Variants in NINL observed in about 807,000 individuals in gnomAD.
NINL encodes the protein ninein-like protein.
Under a neutral mutation model 160.3 loss-of-function variants are expected in NINL, and 153 were observed. That is an observed-to-expected ratio of 0.95 (90% CI 0.84 to 1.09). NINL has a LOEUF of 1.09. Among genes scored for constraint, NINL ranks in the 50% least tolerant of loss-of-function variants. NINL has a pLI of 0.00. For synonymous variants in NINL, 800 were observed against 734.8 expected, an observed-to-expected ratio of 1.09 and a Z score of -1.43; for missense variants, 1,829 against 1,764.0, an observed-to-expected ratio of 1.04 and a Z score of -0.66.
intron 3 of NINL, 94 bp from the exon 4 acceptor site, chr20:25,513,100 G>T: frequency 7.7e-7 from 1 of 1,298,622 alleles, no homozygotes; most frequent in Non-Finnish European, 1.1e-6. Flanking sequence ...TGCACACTCA[G>T]CACCGAGTGT....
rs866598767 is a variant in NINL at position 25,509,013 on chromosome 20, C to T, written c.517+1661G>A. Among the ~76,000 whole-genome samples the T allele has an allele frequency of 1.2e-4, 18 of 152,352 alleles. No homozygotes were observed. In the Middle Eastern group the frequency reaches 0.01, roughly 86 times the overall value. On this transcript the variant is annotated intron_variant, in intron 5 of 23. Transcript: ENST00000278886. ...AATGTGGCTTCAAATTTCTTTGACA[C>T]TCTTCCCTTCAGGTCTGTGTCCCTT...
intron 2 of NINL, 42 bp downstream of exon 2, chr20:25,526,366 G>C: frequency 2.6e-6 from 4 of 1,553,366 alleles, no homozygotes; most frequent in South Asian, 1.2e-5. Context: ...GCCAACTATA[G>C]ACCCCGTGCT....
At chr20:25,465,381 T>G (rs1287362370) in intron 19 of NINL, among the ~76,000 whole-genome samples, 1 of 152,246 alleles carries the variant, frequency 6.6e-6, no homozygotes, top group African/African-American at 2.4e-5. Flanking sequence ...ACCTGAACAC[T>G]TGCCCATCAG....
chr20:25,479,003 C>T lies in NINL; in HGVS notation c.2121G>A (p.Glu707=), dbSNP rs1366508317. 2 of 1,607,868 alleles carry T rather than the reference C, an allele frequency of 1.2e-6. No individual in the cohort carries two copies. Among genetic ancestry groups the T allele is most frequent in the Middle Eastern group, 1.7e-4 (1 of 6,054 alleles). ...TGCAGCAGGGTGCCAGGCCCATCTG[C>T]TCAGGCTCGGGGCCGCGGGCTGTGT... ...LQDTARGPEP[E]QMGLAPCCTQ... is the part of the protein sequence containing the mutation. The change falls in exon 16 of 24, where the codon GAG becomes GAA. Residue 707 remains glutamate, a synonymous_variant. Coordinates refer to ENST00000278886, the MANE Select transcript of NINL (RefSeq NM_025176.6).
chr20:25,483,731 T>C (rs1263827698), intron 13 of NINL, among the ~76,000 whole-genome samples: 1 of 152,248 alleles, frequency 6.6e-6, no homozygotes, highest in Non-Finnish European at 1.5e-5. Context: ...AACTACGTCC[T>C]AACCAGTATG....
At chr20:25,569,981 C>T (rs758446877) in intron 1 of NINL, among the ~76,000 whole-genome samples, 29 of 151,852 alleles carry the variant, frequency 1.9e-4, no homozygotes, top group Non-Finnish European at 3.8e-4. Context: ...AAGATGGAGG[C>T]CAGCCTGGCC....
rs535775871 is a variant in NINL at position 25,536,672 on chromosome 20, T to C, written c.-11-10074A>G. 1.6e-3 allele frequency among the ~76,000 whole-genome samples: 242 copies of C among 151,188 alleles called. 1 individual carries two copies. The highest frequency in any genetic ancestry group is 5.5e-3 in the African/African-American group (228 of 41,146). On this transcript the variant is annotated intron_variant, in intron 1 of 23. Transcript: ENST00000278886. ...GGGCAGAGTTTTCAGTAAGCTGAGA[T>C]CATGCCACTGCACTCCAGCCTGGGC...
At chr20:25,465,054 G>A (rs2062879346) in intron 19 of NINL, among the ~76,000 whole-genome samples, 1 of 152,222 alleles carries the variant, frequency 6.6e-6, no homozygotes, top group Non-Finnish European at 1.5e-5. Context: ...GCTGTCTCCT[G>A]GGTGTGTGTT....
chr20:25,527,034 A>C (rs2064373106), intron 1 of NINL, among the ~76,000 whole-genome samples: 1 of 152,218 alleles, frequency 6.6e-6, no homozygotes, highest in South Asian at 2.1e-4. Context: ...TATCTCAAAA[A>C]GGAAACTATT....
At chr20:25,481,266 CCT>C (rs1054747411) in intron 14 of NINL, among the ~76,000 whole-genome samples, 46 of 152,118 alleles carry the variant, frequency 3.0e-4, no homozygotes, top group African/African-American at 1.0e-3. Flanking sequence ...CCCATGGGCC[CCT>C]GTCACAGCAG....
chr20:25,460,824 C>T (rs530501376), intron 21 of NINL, among the ~76,000 whole-genome samples: 1 of 152,334 alleles, frequency 6.6e-6, no homozygotes, highest in East Asian at 1.9e-4. Context: ...TGGGGAGAGA[C>T]CCTTTCCCAC....
In NINL at chr20:25,476,820, G is replaced by C. The variant is rs774834496; in HGVS notation, c.2471C>G (p.Ala824Gly). 1 of 1,613,188 alleles carries C rather than the reference G, an allele frequency of 6.2e-7. No individual in the cohort carries two copies. Among genetic ancestry groups the C allele is most frequent in the Non-Finnish European group, 8.5e-7 (1 of 1,179,936 alleles). The change falls in exon 17 of 24, where the codon GCA (alanine) becomes GGA (glycine). Residue 824 changes from alanine to glycine, a missense_variant. Coordinates refer to ENST00000278886, the MANE Select transcript of NINL (RefSeq NM_025176.6). ...GKRVDGPSLE[A>G]EMQALPKDGL... ...ATCTTTCGGCAGGGCCTGCATCTCTGCTTCCAGGGAGGGCCCGTCCACTCG... is the reference window on the plus strand; with the variant it reads ...ATCTTTCGGCAGGGCCTGCATCTCTCCTTCCAGGGAGGGCCCGTCCACTCG...
intron 1 of NINL, among the ~76,000 whole-genome samples, chr20:25,542,698 A>T (rs1012574784): frequency 1.1e-4 from 1 of 9,390 alleles, no homozygotes; most frequent in Non-Finnish European, 3.7e-4. Context: ...TGCTTTCACT[A>T]AAAAAAAAAA....
At chr20:25,574,691 C>T (rs767329179) in intron 1 of NINL, among the ~76,000 whole-genome samples, 4 of 152,064 alleles carry the variant, frequency 2.6e-5, no homozygotes, top group Non-Finnish European at 5.9e-5. Context: ...AGAGGAAGCA[C>T]AGATTGGCAT....
At chr20:25,463,785 G>A (rs1434837137) in intron 19 of NINL, among the ~76,000 whole-genome samples, 9 of 152,156 alleles carry the variant, frequency 5.9e-5, no homozygotes, top group Non-Finnish European at 1.2e-4. Flanking sequence ...AAACTGGGAC[G>A]TTTTTCCATT....
At chr20:25,575,247 G>A (rs113834669) in intron 1 of NINL, among the ~76,000 whole-genome samples, 1 of 151,606 alleles carries the variant, frequency 6.6e-6, no homozygotes, top group African/African-American at 2.4e-5. Context: ...AGGAGATCGA[G>A]ACCATCCTGG....
At chr20:25,499,808 A>G (rs995361826) in intron 8 of NINL, among the ~76,000 whole-genome samples, 3 of 152,006 alleles carry the variant, frequency 2.0e-5, no homozygotes, top group Non-Finnish European at 4.4e-5. Flanking sequence ...ACAGGGTGCA[A>G]CTTCAGGAGT....
intron 1 of NINL, among the ~76,000 whole-genome samples, chr20:25,527,580 GAAA>G (rs796895154): frequency 6.6e-6 from 1 of 150,752 alleles, no homozygotes; most frequent in African/African-American, 2.4e-5. Context: ...TTACAATAAG[GAAA>G]AAAAGGAAAC....
intron 22 of NINL, among the ~76,000 whole-genome samples, chr20:25,456,375 C>A (rs976968166): frequency 2.0e-5 from 3 of 149,724 alleles, no homozygotes; most frequent in African/African-American, 7.4e-5. Flanking sequence ...CAGTGAAACC[C>A]TATCTCTACT....
Sources: gnomAD v4.1 joint callset for allele counts (sites outside exome capture counted in the v4.1 genomes callset) on GRCh38, gnomAD v4.1.1 for gene constraint, MANE v1.5 for transcripts, NCBI Gene and HGNC (gene_info 2026-07-23, HGNC 2026-07-21) for gene names.